The following VPS13B variants were observed in gnomAD, a reference collection of about 807,000 sequenced individuals.
VPS13B encodes the protein intermembrane lipid transfer protein VPS13B.
VPS13B carries 285 observed loss-of-function variants against 426.4 expected under a neutral mutation model. The observed-to-expected ratio is 0.67, with a 90% CI of 0.61 to 0.74. The LOEUF (loss-of-function observed/expected upper bound fraction) is 0.74, where lower values mean the gene tolerates loss of function less well. Ranked by LOEUF, VPS13B falls within the 30% of genes least tolerant of loss-of-function variation. The probability of loss-of-function intolerance (pLI) is 0.00; values close to 1 mark genes in which losing one functional copy is unlikely to be tolerated. For missense variants in VPS13B, 4,537 were observed against 4,782.6 expected (o/e 0.95, Z 1.51); for synonymous variants, 1,676 against 1,676.4 (o/e 1.00, Z 0.01).
At chr8:99,575,554 T>C (rs1390334845) in intron 31 of VPS13B, 104 bp from the exon 32 acceptor site, 2 of 1,407,544 alleles carry the variant, frequency 1.4e-6, no homozygotes, top group Non-Finnish European at 2.0e-6. Flanking sequence ...AATAATAATG[T>C]AATTTTGCCA....
intron 39 of VPS13B, among the ~76,000 whole-genome samples, chr8:99,723,684 C>A (rs955987581): frequency 6.6e-6 from 1 of 152,116 alleles, no homozygotes; most frequent in African/African-American, 2.4e-5. Context: ...GGGACCCAGA[C>A]AGTAGCCTTG....
At chr8:99,444,023 T>C (rs1319650619) in intron 23 of VPS13B, among the ~76,000 whole-genome samples, 1 of 152,032 alleles carries the variant, frequency 6.6e-6, no homozygotes, top group East Asian at 1.9e-4. Context: ...TTTTTTATTT[T>C]GTTCTAGCCA....
rs1391771238 is a variant in VPS13B at position 99,088,920 on chromosome 8, TAC to T, written c.292-7390_292-7389del. The stretch of plus-strand genomic sequence containing the variant: ...ACTTTTCCTTTTTCATTCCTGCAGG[TAC>T]AGTCTTTTCAAATCTCTTGTTCTTT... On this transcript the variant is annotated intron_variant, in intron 3 of 61. Transcript: ENST00000357162. Among the ~76,000 whole-genome samples, 3 of 152,268 alleles carry T rather than the reference TAC, an allele frequency of 2.0e-5. No homozygotes were observed. The East Asian group carries it at 5.8e-4, about 29-fold the overall frequency.
chr8:99,657,285 T>C (rs1830053998), intron 34 of VPS13B, among the ~76,000 whole-genome samples: 1 of 152,198 alleles, frequency 6.6e-6, no homozygotes, highest in African/African-American at 2.4e-5. Context: ...CAGACTTTGC[T>C]ATTCCCCCAG....
At chr8:99,569,013 G>A (rs529907814) in intron 31 of VPS13B, among the ~76,000 whole-genome samples, 40 of 151,456 alleles carry the variant, frequency 2.6e-4, no homozygotes, top group South Asian at 8.4e-4. Context: ...TAGTAGAGAC[G>A]GGGTCTCACC....
chr8:99,725,523 C>G (rs759113414), intron 39 of VPS13B, among the ~76,000 whole-genome samples: 1 of 152,188 alleles, frequency 6.6e-6, no homozygotes, highest in Admixed American at 6.5e-5. Flanking sequence ...ATCATCTCCC[C>G]ACCCCTTGGT....
chr8:99,261,997 A>G (rs1452921023), intron 17 of VPS13B, among the ~76,000 whole-genome samples: 4 of 152,224 alleles, frequency 2.6e-5, no homozygotes, highest in African/African-American at 9.6e-5. Flanking sequence ...CTGTTTAAAA[A>G]AAAGAATTAC....
intron 19 of VPS13B, among the ~76,000 whole-genome samples, chr8:99,313,130 G>T (rs200723595): frequency 6.6e-6 from 1 of 152,040 alleles, no homozygotes; most frequent in Admixed American, 6.6e-5. Flanking sequence ...TCTTTAGCTC[G>T]GAGAAGTTTG....
chr8:99,150,486 A>G (rs1479974816), intron 14 of VPS13B, among the ~76,000 whole-genome samples: 1 of 152,184 alleles, frequency 6.6e-6, no homozygotes, highest in African/African-American at 2.4e-5. Context: ...TGCTATAACA[A>G]TATCACATAG....
intron 33 of VPS13B, among the ~76,000 whole-genome samples, chr8:99,608,354 T>C (rs1291236930): frequency 6.6e-6 from 1 of 151,042 alleles, no homozygotes; most frequent in African/African-American, 2.4e-5. Flanking sequence ...ACTCTCTTGC[T>C]CAGTCTAGTC....
At chr8:99,260,946 T>A (rs991079200) in intron 17 of VPS13B, among the ~76,000 whole-genome samples, 32 of 151,548 alleles carry the variant, frequency 2.1e-4, no homozygotes, top group Non-Finnish European at 2.7e-4. Flanking sequence ...TTTCTTTTTT[T>A]AAAAAAAAAC....
intron 31 of VPS13B, among the ~76,000 whole-genome samples, chr8:99,561,848 C>T (rs1328028816): frequency 6.6e-6 from 1 of 152,168 alleles, no homozygotes; most frequent in Non-Finnish European, 1.5e-5. Flanking sequence ...TGAGCTGTTT[C>T]TGCTTTTTGG....
intron 16 of VPS13B, among the ~76,000 whole-genome samples, chr8:99,184,796 G>A (rs1329305678): frequency 6.6e-6 from 1 of 152,096 alleles, no homozygotes; most frequent in East Asian, 1.9e-4. Flanking sequence ...TTTGAGACCA[G>A]CCTGGCCAAC....
chr8:99,818,975 A>AGGGGGGGGGT, intron 47 of VPS13B, 87 bp downstream of exon 47: 5 of 133,540 alleles, frequency 3.7e-5, no homozygotes, highest in South Asian at 5.1e-5. Context: ...GCGGCGGGGG[A>AGGGGGGGGGT]GGGGTGGGTA....
At chr8:99,790,804 G>A (rs1444920157) in intron 43 of VPS13B, among the ~76,000 whole-genome samples, 1 of 152,142 alleles carries the variant, frequency 6.6e-6, no homozygotes, top group Non-Finnish European at 1.5e-5. Flanking sequence ...CAGCTAAGAG[G>A]ACCAACATGT....
chr8:99,062,149 G>A (rs145796569), intron 3 of VPS13B, among the ~76,000 whole-genome samples: 1 of 152,278 alleles, frequency 6.6e-6, no homozygotes, highest in East Asian at 1.9e-4. Flanking sequence ...CTCAACTTCA[G>A]TATCTTATTT....
At chr8:99,803,297 T>C (rs1263021857) in intron 43 of VPS13B, among the ~76,000 whole-genome samples, 1 of 152,238 alleles carries the variant, frequency 6.6e-6, no homozygotes, top group Non-Finnish European at 1.5e-5. Flanking sequence ...AATTGCACAG[T>C]ATTTGTGGCC....
intron 23 of VPS13B, among the ~76,000 whole-genome samples, chr8:99,465,500 T>C (rs756040722): frequency 6.6e-6 from 1 of 151,956 alleles, no homozygotes; most frequent in Non-Finnish European, 1.5e-5. Flanking sequence ...ACTGTGATAG[T>C]ACCAATGTTA....
chr8:99,691,071 C>A (rs1438229536), intron 35 of VPS13B, among the ~76,000 whole-genome samples: 2 of 152,086 alleles, frequency 1.3e-5, no homozygotes, highest in South Asian at 4.2e-4. Context: ...CATGGATGAA[C>A]CTTGGAAGCA....
Sources: allele counts gnomAD v4.1 joint callset (sites outside exome capture counted in the v4.1 genomes callset), GRCh38; gene constraint gnomAD v4.1.1; transcripts MANE v1.5; gene names NCBI Gene and HGNC (gene_info 2026-07-23, HGNC 2026-07-21).